The following BPNT1 variants were observed in gnomAD, a reference collection of about 807,000 sequenced individuals.
BPNT1 encodes the protein 3'(2'),5'-bisphosphate nucleotidase 1.
BPNT1 carries 28 observed loss-of-function variants against 36.9 expected under a neutral mutation model. The ratio of observed to expected loss-of-function variants is 0.76; its 90% CI spans 0.56 to 1.04. The LOEUF (loss-of-function observed/expected upper bound fraction) is 1.04. Ranked by LOEUF, BPNT1 falls within the 50% of genes least tolerant of loss-of-function variation. The pLI is 0.00. For synonymous variants in BPNT1, 119 were observed against 130.9 expected (o/e 0.91, Z 0.62); for missense variants, 313 against 372.9 (o/e 0.84, Z 1.32).
At chr1:220,068,678 G>C (rs1663767422) in intron 5 of BPNT1, among the ~76,000 whole-genome samples, 1 of 152,020 alleles carries the variant, frequency 6.6e-6, no homozygotes, top group Non-Finnish European at 1.5e-5. Flanking sequence ...GGGCGTGGTG[G>C]CAGGTGCCTG....
chr1:220,080,248 A>T (rs892765506), intron 1 of BPNT1, among the ~76,000 whole-genome samples: 5 of 152,224 alleles, frequency 3.3e-5, no homozygotes, highest in African/African-American at 1.2e-4. Flanking sequence ...AGTTGTAGAT[A>T]AAATAAGGTA....
At chr1:220,078,351 TATA>T (rs978391478) in intron 2 of BPNT1, among the ~76,000 whole-genome samples, 12 of 144,252 alleles carry the variant, frequency 8.3e-5, no homozygotes, top group Middle Eastern at 3.3e-3. Flanking sequence ...AATAATAATT[TATA>T]ATAACAAATA....
intron 1 of BPNT1, among the ~76,000 whole-genome samples, chr1:220,082,512 T>C (rs1351878642): frequency 1.3e-5 from 2 of 152,174 alleles, no homozygotes; most frequent in East Asian, 1.9e-4. Context: ...TAAACCTCCA[T>C]TCAGCAATAG....
intron 6 of BPNT1, among the ~76,000 whole-genome samples, chr1:220,064,837 T>C (rs1225976775): frequency 6.6e-6 from 1 of 152,208 alleles, no homozygotes; most frequent in Non-Finnish European, 1.5e-5. Flanking sequence ...AGACAGAGTC[T>C]TACTGTGTCG....
At chr1:220,082,601 T>G (rs751648998) in intron 1 of BPNT1, among the ~76,000 whole-genome samples, 3 of 151,898 alleles carry the variant, frequency 2.0e-5, no homozygotes, top group Admixed American at 6.6e-5. Context: ...TCTTTTTTTT[T>G]TCTGAGACGT....
At chr1:220,084,307 T>C (rs1019169879) in intron 1 of BPNT1, among the ~76,000 whole-genome samples, 8 of 150,658 alleles carry the variant, frequency 5.3e-5, no homozygotes, top group Non-Finnish European at 1.0e-4. Context: ...CACTCCACCC[T>C]GGGCAACATA....
intron 7 of BPNT1, 42 bp downstream of exon 7, chr1:220,062,715 A>G (rs2102637763): frequency 1.3e-6 from 2 of 1,591,846 alleles, no homozygotes; most frequent in African/African-American, 1.3e-5. Flanking sequence ...TATTTCAATG[A>G]TTCACTTGCA....
intron 2 of BPNT1, among the ~76,000 whole-genome samples, chr1:220,078,557 A>AATTAT (rs377329229): frequency 0.068 from 9,794 of 143,642 alleles, 455 homozygotes; most frequent in South Asian, 0.14. Context: ...AATTATATAT[A>AATTAT]AATATAATAT....
intron 4 of BPNT1, among the ~76,000 whole-genome samples, chr1:220,069,752 G>C (rs1293125107): frequency 3.3e-5 from 5 of 151,948 alleles, no homozygotes; most frequent in Non-Finnish European, 1.5e-5. Flanking sequence ...CCCGGCCAAA[G>C]TGGTGAAACC....
At chr1:220,075,171 G>A (rs1664433130) in intron 2 of BPNT1, among the ~76,000 whole-genome samples, 1 of 152,158 alleles carries the variant, frequency 6.6e-6, no homozygotes, top group South Asian at 2.1e-4. Context: ...AGCCTCCTGA[G>A]TAGCTGGGAC....
intron 1 of BPNT1, among the ~76,000 whole-genome samples, chr1:220,081,011 A>G (rs758647064): frequency 1.2e-4 from 19 of 152,158 alleles, no homozygotes; most frequent in Non-Finnish European, 2.6e-4. Flanking sequence ...GTCGCCCAGG[A>G]TGGATTGCAG....
At chr1:220,085,201 G>T (rs1436268840) in intron 1 of BPNT1, among the ~76,000 whole-genome samples, 1 of 152,152 alleles carries the variant, frequency 6.6e-6, no homozygotes, top group African/African-American at 2.4e-5. Context: ...TGATGATACA[G>T]GTAGATTAAG....
intron 4 of BPNT1, among the ~76,000 whole-genome samples, chr1:220,071,096 G>A (rs915936431): frequency 1.3e-5 from 2 of 151,748 alleles, no homozygotes; most frequent in African/African-American, 2.4e-5. Flanking sequence ...TCCTGACCTC[G>A]TGATCCGCCT....
At chr1:220,073,286 CT>C (rs951322986) in intron 3 of BPNT1, among the ~76,000 whole-genome samples, 2 of 151,738 alleles carry the variant, frequency 1.3e-5, no homozygotes, top group Non-Finnish European at 2.9e-5. Flanking sequence ...CCCTCACTTT[CT>C]TTTTTTATTT....
intron 1 of BPNT1, among the ~76,000 whole-genome samples, chr1:220,088,892 G>A (rs1308867415): frequency 1.3e-5 from 2 of 151,548 alleles, no homozygotes; most frequent in Non-Finnish European, 2.9e-5. Flanking sequence ...GAGGTCAGGA[G>A]ATCGAAACCA....
chr1:220,059,127 A>C (rs2102618524), intron 8 of BPNT1, 135 bp from the exon 9 acceptor site: 1 of 760,268 alleles, frequency 1.3e-6, no homozygotes, highest in East Asian at 2.6e-5. Context: ...GAGTGTCCAT[A>C]AAGGTTAAGT....
Position 220,058,413 on chromosome 1 carries a change from CT to C in BPNT1, c.*430del. On this transcript the variant is annotated 3_prime_UTR_variant, in exon 9 of 9. Transcript: ENST00000322067. ...TATAATAACTAAATATAAATCACTG[CT>C]CAACAATGAATAAAGGTGGAACTCT... 1.0e-6 allele frequency: 1 copy of C among 963,426 alleles called. No homozygotes were observed. The highest frequency in any genetic ancestry group is 1.2e-6 in the Non-Finnish European group (1 of 808,536). The allele number at this position is 963,426 out of a possible 1,614,324, so 59.7% of individuals were successfully genotyped here.
In BPNT1 at chr1:220,059,723, A is replaced by G. The variant is rs772637275; in HGVS notation, c.741T>C (p.Asp247=). 1 of 1,611,754 alleles carries G rather than the reference A, an allele frequency of 6.2e-7. No homozygotes were observed. The highest frequency in any genetic ancestry group is 2.2e-5 in the East Asian group (1 of 44,708). Residue 247 remains aspartate, a synonymous_variant, in exon 8 of 9, where the codon GAT becomes GAC. Coordinates refer to ENST00000322067, the MANE Select transcript of BPNT1 (RefSeq NM_006085.6). Reference sequence around the variant, plus strand: ...GTAAAATAACTTCTGGAGCACAAGTATCCCACTTCTTACAACCAGGACTTG... The same window carrying G: ...GTAAAATAACTTCTGGAGCACAAGTGTCCCACTTCTTACAACCAGGACTTG... ...VFASPGCKKW[D]TCAPEVILHA...
chr1:220,089,539 A>G (rs770721648), intron 1 of BPNT1, 147 bp downstream of exon 1: 17 of 152,262 alleles, frequency 1.1e-4, no homozygotes, highest in Non-Finnish European at 2.1e-4. Context: ...AACAATTAAA[A>G]TATCGACACT....
Sources: allele counts gnomAD v4.1 joint callset (sites outside exome capture counted in the v4.1 genomes callset), GRCh38; gene constraint gnomAD v4.1.1; transcripts MANE v1.5; gene names NCBI Gene and HGNC (gene_info 2026-07-23, HGNC 2026-07-21).